ITPR1: variants seen among roughly 807,000 people sequenced by gnomAD.
The protein encoded by ITPR1 is inositol 1,4,5-trisphosphate-gated calcium channel ITPR1.
Under a neutral mutation model 318.4 loss-of-function variants are expected in ITPR1, and 96 were observed. That is an observed-to-expected ratio of 0.30 (90% CI 0.26 to 0.36). The LOEUF (loss-of-function observed/expected upper bound fraction) is 0.36. Among genes scored for constraint, ITPR1 ranks in the 10% least tolerant of loss-of-function variants. ITPR1 has a pLI of 1.00. For synonymous variants in ITPR1, 1,312 were observed against 1,289.9 expected, an observed-to-expected ratio of 1.02 and a Z score of -0.37; for missense variants, 2,440 against 3,460.2, an observed-to-expected ratio of 0.71 and a Z score of 7.40.
chr3:4,773,571 A>C (rs2046316421), intron 46 of ITPR1, among the ~76,000 whole-genome samples: 1 of 152,152 alleles, frequency 6.6e-6, no homozygotes, highest in Non-Finnish European at 1.5e-5. Context: ...TGGGAGCAGT[A>C]ACAGAAGTTT....
chr3:4,623,326 A>G (rs1049899986), intron 4 of ITPR1, among the ~76,000 whole-genome samples: 4 of 152,318 alleles, frequency 2.6e-5, no homozygotes, highest in Middle Eastern at 3.4e-3. Flanking sequence ...ATTCAGCTGC[A>G]TTCTCCTTTG....
intron 52 of ITPR1, 116 bp downstream of exon 52, chr3:4,788,255 A>ACTAG: frequency 1.2e-6 from 1 of 827,684 alleles, no homozygotes; most frequent in Non-Finnish European, 1.9e-6. Context: ...CATTTATGAT[A>ACTAG]CTTTGCACCT....
At chr3:4,682,602 T>A (rs771876725) in intron 26 of ITPR1, among the ~76,000 whole-genome samples, 8 of 152,226 alleles carry the variant, frequency 5.3e-5, no homozygotes, top group South Asian at 2.1e-4. Flanking sequence ...AACTTAAACA[T>A]GGTATTGTGA....
chr3:4,575,392 G>A (rs73807300), intron 4 of ITPR1, among the ~76,000 whole-genome samples: 4,388 of 152,254 alleles, frequency 0.029, 223 homozygotes, highest in African/African-American at 0.1. Flanking sequence ...TGATTCTGTG[G>A]TAGCATGCTT....
At chr3:4,518,423 T>A (rs2082316303) in intron 3 of ITPR1, among the ~76,000 whole-genome samples, 2 of 152,362 alleles carry the variant, frequency 1.3e-5, no homozygotes, top group East Asian at 1.9e-4. Flanking sequence ...GGGCTTCTTT[T>A]TGAACTTTGG....
At chr3:4,791,659 C>T (rs2047564351) in intron 52 of ITPR1, among the ~76,000 whole-genome samples, 1 of 152,162 alleles carries the variant, frequency 6.6e-6, no homozygotes, top group Non-Finnish European at 1.5e-5. Context: ...TATGACTCCT[C>T]CTGTGGGCAC....
At chr3:4,767,035 T>G (rs1247033791) in intron 45 of ITPR1, among the ~76,000 whole-genome samples, 1 of 152,220 alleles carries the variant, frequency 6.6e-6, no homozygotes, top group East Asian at 1.9e-4. Flanking sequence ...TAAAACTGGG[T>G]GTTAGTCCTT....
chr3:4,637,402 T>G (rs985310981), intron 5 of ITPR1, among the ~76,000 whole-genome samples: 3 of 152,122 alleles, frequency 2.0e-5, no homozygotes, highest in African/African-American at 7.2e-5. Flanking sequence ...TAAGCTCAGG[T>G]GTGAAATTAG....
In ITPR1 at chr3:4,668,656, C is replaced by T. The variant is rs188408347; in HGVS notation, c.1887-998C>T. Among the ~76,000 whole-genome samples, 18 of 152,158 alleles carry T rather than the reference C, an allele frequency of 1.2e-4. No homozygotes were observed. In the East Asian group the frequency reaches 1.4e-3, roughly 11 times the overall value. ...CTAATTTTTGTGTTTTTAATAGAGA[C>T]GGGGTTTCACCATATTGGCCAGGCT... On this transcript the variant is annotated intron_variant, in intron 18 of 61. Coordinates refer to ENST00000649015, the MANE Select transcript of ITPR1 (RefSeq NM_001378452.1).
At chr3:4,515,753 C>G (rs901440624) in intron 2 of ITPR1, among the ~76,000 whole-genome samples, 1 of 152,140 alleles carries the variant, frequency 6.6e-6, no homozygotes, top group Non-Finnish European at 1.5e-5. Context: ...TAACTAGCTG[C>G]GTGTTCCTGG....
chr3:4,750,355 G>T (rs951125053), intron 44 of ITPR1: 1 of 152,036 alleles, frequency 6.6e-6, no homozygotes, highest in Non-Finnish European at 1.5e-5. Context: ...ACTTCAAGAT[G>T]ATTCCTATCT....
intron 4 of ITPR1, among the ~76,000 whole-genome samples, chr3:4,589,655 A>G (rs987545487): frequency 6.6e-6 from 1 of 152,082 alleles, no homozygotes; most frequent in Non-Finnish European, 1.5e-5. Flanking sequence ...TTATAAAGCC[A>G]TTTGGGTCAT....
intron 51 of ITPR1, among the ~76,000 whole-genome samples, chr3:4,784,154 C>T (rs1385808910): frequency 6.6e-6 from 1 of 152,068 alleles, no homozygotes; most frequent in Non-Finnish European, 1.5e-5. Flanking sequence ...CACGAATTCA[C>T]GAGGACAGGT....
chr3:4,608,875 G>A (rs951041652), intron 4 of ITPR1, among the ~76,000 whole-genome samples: 9 of 150,936 alleles, frequency 6.0e-5, no homozygotes, highest in South Asian at 2.1e-4. Context: ...GGTGGCACAC[G>A]CCGGTAATCC....
Position 4,513,187 on chromosome 3 carries a change from A to G in ITPR1, c.-16-3289A>G, listed in dbSNP as rs56238698. On this transcript the variant is annotated intron_variant, in intron 2 of 61. Coordinates refer to ENST00000649015, the MANE Select transcript of ITPR1 (RefSeq NM_001378452.1). Reference sequence around the variant, plus strand: ...CCAGAAGATTGCTCCTAGGCCCATCACTTCTGGGGCGGACTTTCCACCTCC... The same window carrying G: ...CCAGAAGATTGCTCCTAGGCCCATCGCTTCTGGGGCGGACTTTCCACCTCC... Among the ~76,000 whole-genome samples the G allele has an allele frequency of 5.7e-3, 865 of 152,196 alleles. 4 individuals carry two copies. Among genetic ancestry groups the G allele is most frequent in the Middle Eastern group, 0.027 (8 of 294 alleles).
In ITPR1 at chr3:4,699,817, G is replaced by C. The variant is rs1196739827; in HGVS notation, c.4412G>C (p.Cys1471Ser). The C allele has an allele frequency of 6.2e-7, 1 of 1,613,872 alleles. No individual in the cohort carries two copies. Among genetic ancestry groups the C allele is most frequent in the Admixed American group, 1.7e-5 (1 of 60,022 alleles). ...ACATACCCACTTGTCTTCCAGGCCT[G>C]TAACAACACTAGTGACAGGAAACAT... is the stretch of plus-strand genomic sequence containing the variant. ...ENFLVDICRACNNTSDRKHAD... is the reference protein window; with the variant it reads ...ENFLVDICRASNNTSDRKHAD... The change falls in exon 35 of 62, where the codon TGT (cysteine) becomes TCT (serine). Residue 1471 changes from cysteine to serine, a missense_variant. Physicochemically the swap from Cys to Ser is moderately radical, Grantham distance 112. Around this residue, in one of 23 missense-constraint regions of ITPR1, gnomAD observed 73 missense variants for 59.5 expected, o/e 1.23. Transcript: ENST00000649015.
chr3:4,501,202 A>G (rs1269016035), intron 2 of ITPR1, among the ~76,000 whole-genome samples: 4 of 151,974 alleles, frequency 2.6e-5, no homozygotes, highest in Non-Finnish European at 5.9e-5. Context: ...AGAATAGAAA[A>G]CATGGAAGTG....
intron 13 of ITPR1, 65 bp from the exon 14 acceptor site, chr3:4,660,923 G>T: frequency 1.3e-6 from 1 of 758,570 alleles, no homozygotes. Flanking sequence ...TTATATTCTA[G>T]ACTAGGGGCT....
At chr3:4,538,797 G>A (rs1309207584) in intron 4 of ITPR1, among the ~76,000 whole-genome samples, 2 of 152,184 alleles carry the variant, frequency 1.3e-5, no homozygotes, top group African/African-American at 4.8e-5. Flanking sequence ...AACATTGCAT[G>A]TTCTCACTTA....
Sources: gnomAD v4.1 joint callset for allele counts (sites outside exome capture counted in the v4.1 genomes callset) on GRCh38, gnomAD v4.1.1 for gene constraint, gnomAD v4.1.1 regional missense constraint, MANE v1.5 for transcripts, NCBI Gene and HGNC (gene_info 2026-07-23, HGNC 2026-07-21) for gene names.